Variants in MBNL3 observed in about 807,000 individuals in gnomAD.
MBNL3 encodes the protein muscleblind-like protein 3.
MBNL3 carries 6 observed loss-of-function variants against 24.5 expected under a neutral mutation model. The ratio of observed to expected loss-of-function variants is 0.25; its 90% CI spans 0.13 to 0.48. The LOEUF (loss-of-function observed/expected upper bound fraction) is 0.48, where lower values mean the gene tolerates loss of function less well. MBNL3 is among the 20% of genes least tolerant of loss of function. The pLI is 0.99. For synonymous variants in MBNL3, 100 were observed against 101.7 expected (o/e 0.98, Z 0.10); for missense variants, 230 against 293.5 (o/e 0.78, Z 1.58).
intron 1 of MBNL3, among the ~76,000 whole-genome samples, chrX:132,467,506 AT>A (rs1946952258): frequency 8.9e-6 from 1 of 111,942 alleles, no homozygotes; most frequent in East Asian, 2.8e-4. Context: ...TCATTAACTC[AT>A]TTTCTTATTG....
intron 2 of MBNL3, among the ~76,000 whole-genome samples, chrX:132,409,063 A>G (rs1405611641): frequency 8.9e-6 from 1 of 112,352 alleles, no homozygotes; most frequent in Non-Finnish European, 1.9e-5. Flanking sequence ...TCCGTGCAAT[A>G]CAACATTTCA....
intron 8 of MBNL3, 112 bp from the exon 9 acceptor site, chrX:132,379,789 G>T: frequency 1.8e-6 from 1 of 541,939 alleles, no homozygotes; most frequent in Non-Finnish European, 3.0e-6. Context: ...TGTTAACAGT[G>T]CCAAAATATC....
chrX:132,427,709 A>G (rs781534960), intron 2 of MBNL3, among the ~76,000 whole-genome samples: 19 of 112,058 alleles, frequency 1.7e-4, no homozygotes. Flanking sequence ...CACTGTATTT[A>G]GATGCATATA....
intron 1 of MBNL3, among the ~76,000 whole-genome samples, chrX:132,470,176 A>G (rs1365514852): frequency 8.9e-6 from 1 of 111,735 alleles, no homozygotes; most frequent in Admixed American, 9.6e-5. Context: ...TTTTAAAACA[A>G]CATGATTAGG....
chrX:132,474,170 G>A (rs1947322798), intron 1 of MBNL3, among the ~76,000 whole-genome samples: 1 of 111,632 alleles, frequency 9.0e-6, no homozygotes, highest in African/African-American at 3.3e-5. Flanking sequence ...GAAGTTGTCA[G>A]ACGCAACATA....
chrX:132,439,440 G>C lies in MBNL3; in HGVS notation c.172C>G (p.Leu58Val). ...NGRVVACFDS[L>V]KGRCTRENCK... ...TGCATTCAGATGGGACTCACCTTTAGAGAATCAAAACAGGCCACCACACGA... is the reference window on the plus strand; with the variant it reads ...TGCATTCAGATGGGACTCACCTTTACAGAATCAAAACAGGCCACCACACGA... Residue 58 changes from leucine (L) to valine (V), a missense_variant, in exon 2 of 9, where the codon CTA (leucine) becomes GTA (valine). Coordinates refer to ENST00000370853, the MANE Select transcript of MBNL3 (RefSeq NM_001386889.1). 8.4e-7 allele frequency: 1 copy of C among 1,191,532 alleles called. No individual in the cohort carries two copies. Among genetic ancestry groups the C allele is most frequent in the Non-Finnish European group, 1.1e-6 (1 of 886,895 alleles).
Position 132,456,436 on chromosome X carries a change from C to G in MBNL3, c.-703-16122G>C, listed in dbSNP as rs1946372376. On this transcript the variant is annotated intron_variant, in intron 1 of 8. Coordinates refer to ENST00000370853, the MANE Select transcript of MBNL3 (RefSeq NM_001386889.1). ...GTTATTAACTAATAGGTATTTGTAT[C>G]TTCCAAGGTCAATCTATTGATTATT... Among the ~76,000 whole-genome samples, 7 of 111,913 alleles carry G rather than the reference C, an allele frequency of 6.3e-5. No homozygotes were observed. In the South Asian group the frequency reaches 2.6e-3, roughly 41 times the overall value.
intron 2 of MBNL3, among the ~76,000 whole-genome samples, chrX:132,413,917 G>A (rs952626491): frequency 8.9e-6 from 1 of 111,845 alleles, no homozygotes; most frequent in African/African-American, 3.3e-5. Context: ...CAGAGGTGAG[G>A]GGTGGTTAAT....
chrX:132,448,250 T>C (rs1187101040), intron 1 of MBNL3, among the ~76,000 whole-genome samples: 4 of 112,000 alleles, frequency 3.6e-5, no homozygotes, highest in African/African-American at 1.3e-4. Context: ...TGGTAGAATA[T>C]TGGCTGTGAA....
At chrX:132,436,612 T>C (rs1245167999) in intron 2 of MBNL3, among the ~76,000 whole-genome samples, 1 of 112,102 alleles carries the variant, frequency 8.9e-6, no homozygotes, top group Non-Finnish European at 1.9e-5. Flanking sequence ...GTTTCAATTA[T>C]AAAAACTCAG....
At chrX:132,469,473 A>T (rs1208300071) in intron 1 of MBNL3, among the ~76,000 whole-genome samples, 1 of 112,637 alleles carries the variant, frequency 8.9e-6, no homozygotes. Flanking sequence ...GGGACCAAAA[A>T]GGAAGGCATC....
At chrX:132,442,371 C>T (rs1945432449) in intron 1 of MBNL3, among the ~76,000 whole-genome samples, 1 of 111,920 alleles carries the variant, frequency 8.9e-6, no homozygotes, top group Non-Finnish European at 1.9e-5. Flanking sequence ...TGAGTTTCTC[C>T]TTAGCCAGAG....
chrX:132,405,985 C>A (rs188985275), intron 3 of MBNL3, among the ~76,000 whole-genome samples: 175 of 107,775 alleles, frequency 1.6e-3, no homozygotes, highest in Non-Finnish European at 2.6e-3. Context: ...TAATAATAAT[C>A]AACTCTCCTT....
Position 132,372,867 on chromosome X carries a change from A to G in MBNL3, c.*6799T>C, listed in dbSNP as rs1740288094. ...TCATAGTCATACATTTTTTTTACAT[A>G]TACCATAATTGTGGATGGATTCTAT... On this transcript the variant is annotated 3_prime_UTR_variant, in exon 9 of 9. Coordinates refer to ENST00000370853, the MANE Select transcript of MBNL3 (RefSeq NM_001386889.1). 1 of 111,598 alleles carries G rather than the reference A, an allele frequency of 9.0e-6. No homozygotes were observed. Among genetic ancestry groups the G allele is most frequent in the Non-Finnish European group, 1.9e-5 (1 of 53,022 alleles). The allele number at this position is 111,598 out of a possible 1,213,427, so 9.2% of individuals were successfully genotyped here.
chrX:132,430,952 A>G (rs1217227075), intron 2 of MBNL3: 1 of 110,956 alleles, frequency 9.0e-6, no homozygotes, highest in African/African-American at 3.3e-5. Flanking sequence ...AATGTTTTGT[A>G]TAGACAGGGT....
intron 3 of MBNL3, among the ~76,000 whole-genome samples, chrX:132,403,731 C>T (rs145604175): frequency 4.5e-5 from 5 of 111,348 alleles, no homozygotes; most frequent in African/African-American, 1.3e-4. Flanking sequence ...CTGAATAGAA[C>T]GGCTTCCCTC....
At chrX:132,472,323 G>A (rs1305508741) in intron 1 of MBNL3, among the ~76,000 whole-genome samples, 1 of 111,986 alleles carries the variant, frequency 8.9e-6, no homozygotes, top group Non-Finnish European at 1.9e-5. Flanking sequence ...CAGACAAAAG[G>A]GAGGTCTGAT....
At chrX:132,477,403 A>C (rs1307025817) in intron 1 of MBNL3, among the ~76,000 whole-genome samples, 3 of 112,364 alleles carry the variant, frequency 2.7e-5, no homozygotes, top group Non-Finnish European at 5.6e-5. Context: ...ATATCTATAA[A>C]GCCTTATTGT....
chrX:132,430,603 C>T (rs1301288364), intron 2 of MBNL3: 1 of 111,848 alleles, frequency 8.9e-6, no homozygotes, highest in Non-Finnish European at 1.9e-5. Context: ...AATGTTTTCT[C>T]ATGATTAGAC....
Sources: gnomAD v4.1 joint callset for allele counts (sites outside exome capture counted in the v4.1 genomes callset) on GRCh38, gnomAD v4.1.1 for gene constraint, MANE v1.5 for transcripts, NCBI Gene and HGNC (gene_info 2026-07-23, HGNC 2026-07-21) for gene names.